Variants in ATP8B4 observed in about 807,000 individuals in gnomAD.
ATP8B4 encodes probable phospholipid-transporting ATPase IM.
Under a neutral mutation model 145.6 loss-of-function variants are expected in ATP8B4, and 133 were observed. That is an observed-to-expected ratio of 0.91 (90% CI 0.79 to 1.05). ATP8B4 has a LOEUF of 1.05. Ranked by LOEUF, ATP8B4 falls within the 50% of genes least tolerant of loss-of-function variation. The pLI, the probability that ATP8B4 is intolerant of heterozygous loss-of-function variation, is 0.00. For missense variants in ATP8B4, 1,458 were observed against 1,425.2 expected, an observed-to-expected ratio of 1.02 and a Z score of -0.37; for synonymous variants, 507 against 492.9, an observed-to-expected ratio of 1.03 and a Z score of -0.38.
intron 7 of ATP8B4, chr15:50,009,671 A>G: frequency 2.2e-6 from 1 of 455,130 alleles, no homozygotes. Context: ...CCTAATCTTT[A>G]ATGAGCTGAA....
At chr15:50,154,767 C>A (rs1255881317) in intron 1 of ATP8B4, among the ~76,000 whole-genome samples, 1 of 152,074 alleles carries the variant, frequency 6.6e-6, no homozygotes, top group Non-Finnish European at 1.5e-5. Flanking sequence ...CTCCACCTCC[C>A]ATGTTCAAGC....
At chr15:50,006,360 T>A (rs1380974509) in intron 7 of ATP8B4, among the ~76,000 whole-genome samples, 2 of 151,398 alleles carry the variant, frequency 1.3e-5, no homozygotes, top group Non-Finnish European at 2.9e-5. Context: ...AATAGATATA[T>A]ATCAGAGAGA....
intron 14 of ATP8B4, among the ~76,000 whole-genome samples, chr15:49,940,665 G>A (rs149170786): frequency 6.6e-6 from 1 of 152,312 alleles, no homozygotes; most frequent in African/African-American, 2.4e-5. Context: ...TCTGGTTCAT[G>A]TGGCCGAAAA....
chr15:50,021,803 A>C (rs1254812199), intron 6 of ATP8B4, among the ~76,000 whole-genome samples: 1 of 152,224 alleles, frequency 6.6e-6, no homozygotes, highest in African/African-American at 2.4e-5. Flanking sequence ...TCCTTAGTAC[A>C]TAGGAGAGTG....
At chr15:50,045,487 G>A (rs2051642286) in intron 4 of ATP8B4, among the ~76,000 whole-genome samples, 2 of 152,144 alleles carry the variant, frequency 1.3e-5, no homozygotes, top group Non-Finnish European at 2.9e-5. Context: ...TTGAAAATCT[G>A]CTGCTTCGGG....
At chr15:49,926,852 T>C (rs941774487) in intron 16 of ATP8B4, among the ~76,000 whole-genome samples, 2 of 152,170 alleles carry the variant, frequency 1.3e-5, no homozygotes, top group Middle Eastern at 3.2e-3. Context: ...TGGTAAATAA[T>C]TCTATTTTGC....
intron 13 of ATP8B4, among the ~76,000 whole-genome samples, chr15:49,969,792 T>C (rs2044915474): frequency 6.6e-6 from 1 of 152,156 alleles, no homozygotes; most frequent in African/African-American, 2.4e-5. Context: ...CTCATCCTGA[T>C]ACCAAAACTG....
intron 2 of ATP8B4, among the ~76,000 whole-genome samples, chr15:50,089,343 C>G (rs2055437378): frequency 6.6e-6 from 1 of 152,072 alleles, no homozygotes; most frequent in Admixed American, 6.6e-5. Flanking sequence ...GAACAGACAG[C>G]CTACAGAATG....
intron 25 of ATP8B4, 132 bp from the exon 26 acceptor site, chr15:49,866,616 G>A: frequency 9.9e-7 from 1 of 1,013,066 alleles, no homozygotes; most frequent in African/African-American, 1.6e-5. Context: ...CCAACCGCGG[G>A]CATCCCCACT....
At chr15:50,150,573 T>C (rs1595649606) in intron 1 of ATP8B4, among the ~76,000 whole-genome samples, 4 of 152,344 alleles carry the variant, frequency 2.6e-5, no homozygotes, top group Admixed American at 2.6e-4. Context: ...ATACTGAAAC[T>C]CTTCTGGCCA....
chr15:50,070,068 T>C (rs2053627457), intron 3 of ATP8B4, among the ~76,000 whole-genome samples: 1 of 152,194 alleles, frequency 6.6e-6, no homozygotes, highest in Admixed American at 6.5e-5. Context: ...AGTTATAAGA[T>C]TAAATAAGTT....
At chr15:49,970,635 T>C (rs2045020282) in intron 13 of ATP8B4, among the ~76,000 whole-genome samples, 1 of 152,066 alleles carries the variant, frequency 6.6e-6, no homozygotes, top group South Asian at 2.1e-4. Context: ...ACACAAACAA[T>C]GGGAAAACAT....
chr15:49,872,244 G>C (rs1437121151), intron 25 of ATP8B4, among the ~76,000 whole-genome samples: 1 of 152,176 alleles, frequency 6.6e-6, no homozygotes, highest in African/African-American at 2.4e-5. Context: ...AACCTGCAAT[G>C]TTGTCACTGT....
intron 2 of ATP8B4, among the ~76,000 whole-genome samples, chr15:50,106,285 A>G (rs1361567722): frequency 6.6e-6 from 1 of 152,202 alleles, no homozygotes; most frequent in Middle Eastern, 3.2e-3. Flanking sequence ...AAAGTACATA[A>G]TAGCCTGTCA....
intron 6 of ATP8B4, among the ~76,000 whole-genome samples, chr15:50,012,556 C>T (rs981409760): frequency 6.6e-6 from 1 of 152,126 alleles, no homozygotes; most frequent in African/African-American, 2.4e-5. Flanking sequence ...GACAATTGGA[C>T]ACACTTTTCA....
chr15:50,031,811 A>G (rs1358711354), intron 6 of ATP8B4, among the ~76,000 whole-genome samples: 1 of 152,184 alleles, frequency 6.6e-6, no homozygotes, highest in African/African-American at 2.4e-5. Context: ...AGGTGGGAAC[A>G]GGTCCTTCCT....
intron 6 of ATP8B4, among the ~76,000 whole-genome samples, chr15:50,019,816 T>A (rs1314630581): frequency 2.0e-5 from 3 of 152,212 alleles, no homozygotes; most frequent in Non-Finnish European, 4.4e-5. Context: ...AACATCCAAG[T>A]AGTTTTCCTC....
intron 3 of ATP8B4, 50 bp downstream of exon 3, chr15:50,074,077 T>C (rs1293224411): frequency 2.0e-6 from 3 of 1,527,836 alleles, no homozygotes; most frequent in South Asian, 2.4e-5. Flanking sequence ...TCCCACTGTC[T>C]TTAGGTAAGA....
intron 20 of ATP8B4, among the ~76,000 whole-genome samples, chr15:49,907,065 G>A (rs1417666566): frequency 6.6e-6 from 1 of 152,172 alleles, no homozygotes; most frequent in Non-Finnish European, 1.5e-5. Context: ...CCCCAGCAGA[G>A]TGTGGAAGTC....
Sources: gnomAD v4.1 joint callset for allele counts (sites outside exome capture counted in the v4.1 genomes callset) on GRCh38, gnomAD v4.1.1 for gene constraint, MANE v1.5 for transcripts, NCBI Gene and HGNC (gene_info 2026-07-23, HGNC 2026-07-21) for gene names.